The following HTR2A variants were observed in gnomAD, a reference collection of about 807,000 sequenced individuals.
HTR2A encodes the protein 5-hydroxytryptamine receptor 2A, also known as 5-HT2 receptor.
In HTR2A, 14 loss-of-function variants were observed where a neutral mutation model predicts 31.0. That is an observed-to-expected ratio of 0.45 (90% confidence interval 0.30 to 0.71). The LOEUF (loss-of-function observed/expected upper bound fraction) is 0.71, where lower values mean the gene tolerates loss of function less well. Among genes scored for constraint, HTR2A ranks in the 30% least tolerant of loss-of-function variants. HTR2A has a pLI of 0.09. For missense variants in HTR2A, 442 were observed against 573.3 expected (o/e 0.77, Z 2.34); for synonymous variants, 209 against 225.2 (o/e 0.93, Z 0.64).
intron 3 of HTR2A, among the ~76,000 whole-genome samples, chr13:46,889,799 A>T (rs1304188356): frequency 6.6e-6 from 1 of 152,228 alleles, no homozygotes; most frequent in Non-Finnish European, 1.5e-5. Context: ...GAAACACTAG[A>T]AGAAAACTCA....
chr13:46,857,608 T>C (rs1192709637), intron 3 of HTR2A, among the ~76,000 whole-genome samples: 1 of 152,114 alleles, frequency 6.6e-6, no homozygotes, highest in Admixed American at 6.5e-5. Context: ...ATTCAGACCA[T>C]AGTAAGTAGG....
chr13:46,893,941 C>T (rs1249591303), intron 2 of HTR2A, among the ~76,000 whole-genome samples: 1 of 152,214 alleles, frequency 6.6e-6, no homozygotes, highest in Non-Finnish European at 1.5e-5. Flanking sequence ...AATTTACAGC[C>T]ATTCACATGT....
At chr13:46,878,080 C>T (rs1313214501) in intron 3 of HTR2A, among the ~76,000 whole-genome samples, 1 of 152,132 alleles carries the variant, frequency 6.6e-6, no homozygotes, top group African/African-American at 2.4e-5. Context: ...GAGAGACACT[C>T]AAGAGTTTCA....
At chr13:46,879,999 T>C (rs376461954) in intron 3 of HTR2A, among the ~76,000 whole-genome samples, 1 of 104,970 alleles carries the variant, frequency 9.5e-6, no homozygotes. Flanking sequence ...AGTGAGACCC[T>C]GTATCAAAAA....
chr13:46,883,529 G>A (rs931015067), intron 3 of HTR2A, among the ~76,000 whole-genome samples: 1 of 152,130 alleles, frequency 6.6e-6, no homozygotes. Flanking sequence ...GGCAATGTGA[G>A]AATAGTCATT....
intron 3 of HTR2A, among the ~76,000 whole-genome samples, chr13:46,863,661 A>AG (rs71077927): frequency 2.7e-5 from 4 of 149,398 alleles, no homozygotes; most frequent in East Asian, 2.0e-4. Flanking sequence ...AAAAAAAAAA[A>AG]AGACAGTCAT....
At position 46,863,657 on chromosome 13, in the gene HTR2A, A is replaced by AAAAAAAG. The variant is rs1566309853; in HGVS notation, c.614-28019_614-28018insCTTTTTT. Among the ~76,000 whole-genome samples the AAAAAAAG allele has an allele frequency of 1.7e-5, 2 of 118,256 alleles. 1 individual carries two copies. Among genetic ancestry groups the AAAAAAAG allele is most frequent in the Non-Finnish European group, 3.5e-5 (2 of 57,434 alleles). The allele number at this position is 118,256 out of a possible 152,430, so 77.6% of individuals were successfully genotyped here. On this transcript the variant is annotated intron_variant, in intron 3 of 3. Coordinates refer to ENST00000542664, the MANE Select transcript of HTR2A (RefSeq NM_000621.5). ...AAAAAAAAAAAAAAAAAAGAAAAAA[A>AAAAAAAG]AAAAAGACAGTCATATGAAAAAAGC...
chr13:46,864,931 T>C (rs73475732), intron 3 of HTR2A, among the ~76,000 whole-genome samples: 915 of 78,056 alleles, frequency 0.012, 8 homozygotes, highest in African/African-American at 0.04. Flanking sequence ...TTCTCTACTA[T>C]ATTTGTAAAG....
In HTR2A at chr13:46,869,466, G is replaced by A. The variant is rs777191564; in HGVS notation, c.613+22924C>T. Among the ~76,000 whole-genome samples the A allele has an allele frequency of 5.3e-5, 8 of 152,094 alleles. No homozygotes were observed. The South Asian group carries it at 8.3e-4, about 16-fold the overall frequency. ...CTTGGAGAAATCAGAACCCTTGTAC[G>A]TTGATGGCGGAAGTGTAAAATCACA... On this transcript the variant is annotated intron_variant, in intron 3 of 3. Transcript: ENST00000542664.
upstream of HTR2A, chr13:46,897,085 CTA>C (rs1341540652): frequency 1.5e-5 from 7 of 462,922 alleles, no homozygotes; most frequent in Non-Finnish European, 2.3e-5. Context: ...AGACCTCCCT[CTA>C]TGTGTATGTC....
At chr13:46,838,115 G>A (rs1050850378) in intron 3 of HTR2A, among the ~76,000 whole-genome samples, 2 of 152,212 alleles carry the variant, frequency 1.3e-5, no homozygotes, top group Admixed American at 1.3e-4. Context: ...GTAAGGGCAT[G>A]ATTTCTAAGA....
chr13:46,887,027 T>C (rs1322261510), intron 3 of HTR2A, among the ~76,000 whole-genome samples: 2 of 152,184 alleles, frequency 1.3e-5, no homozygotes, highest in African/African-American at 2.4e-5. Flanking sequence ...CTGTGCTTAC[T>C]TTAACTGCTG....
intron 3 of HTR2A, among the ~76,000 whole-genome samples, chr13:46,843,514 G>A (rs1950616243): frequency 6.6e-6 from 1 of 152,098 alleles, no homozygotes; most frequent in South Asian, 2.1e-4. Flanking sequence ...ACGCATAGTA[G>A]GGAGGACTCC....
chr13:46,845,489 T>G (rs1043717335), intron 3 of HTR2A, among the ~76,000 whole-genome samples: 1 of 152,122 alleles, frequency 6.6e-6, no homozygotes, highest in East Asian at 1.9e-4. Context: ...CTATCTATGA[T>G]AGCAATCAGT....
chr13:46,855,070 C>A (rs1950722553), intron 3 of HTR2A, among the ~76,000 whole-genome samples: 1 of 152,156 alleles, frequency 6.6e-6, no homozygotes, highest in Admixed American at 6.5e-5. Context: ...AATGTCCCCC[C>A]AGAGCTAAGA....
intron 3 of HTR2A, among the ~76,000 whole-genome samples, chr13:46,875,943 A>G (rs551690733): frequency 6.6e-6 from 1 of 152,368 alleles, no homozygotes; most frequent in East Asian, 1.9e-4. Context: ...GATGAGTTCA[A>G]CAGCTAAAAA....
chr13:46,862,197 A>G (rs2138215204), intron 3 of HTR2A, among the ~76,000 whole-genome samples: 1 of 152,352 alleles, frequency 6.6e-6, no homozygotes, highest in Admixed American at 6.5e-5. Flanking sequence ...TAAGCCTAAC[A>G]GTCAGTACAC....
intron 3 of HTR2A, among the ~76,000 whole-genome samples, chr13:46,862,808 C>T (rs1464293123): frequency 6.6e-6 from 1 of 152,158 alleles, no homozygotes; most frequent in Non-Finnish European, 1.5e-5. Context: ...ACTATATTTG[C>T]ACTACCTATA....
rs533383790 is a variant in HTR2A, at chr13:46,835,429, C to A, written c.824G>T (p.Arg275Leu). 1 of 1,613,980 alleles carries A rather than the reference C, an allele frequency of 6.2e-7. No homozygotes were observed. The highest frequency in any genetic ancestry group is 8.5e-7 in the Non-Finnish European group (1 of 1,179,962). Reference protein sequence around the residue: ...ATLCVSDLGTRAKLASFSFLP... With the variant: ...ATLCVSDLGTLAKLASFSFLP... ...GAAGCTGAAAGAAGCTAATTTGGCC[C>A]GTGTGCCAAGATCACTTACACACAA... Residue 275 changes from arginine (R) to leucine (L), a missense_variant, in exon 4 of 4, where the codon CGG (arginine) becomes CTG (leucine). Transcript: ENST00000542664.
Sources: gnomAD v4.1 joint callset for allele counts (sites outside exome capture counted in the v4.1 genomes callset) on GRCh38, gnomAD v4.1.1 for gene constraint, MANE v1.5 for transcripts, NCBI Gene and HGNC (gene_info 2026-07-23, HGNC 2026-07-21) for gene names.